Variants in MLLT10 observed in about 807,000 individuals in gnomAD.
The protein encoded by MLLT10 is protein AF-10.
A neutral mutation model predicts 129.1 loss-of-function variants in MLLT10; 30 were observed. That is an observed-to-expected ratio of 0.23 (90% confidence interval 0.17 to 0.32). The LOEUF is 0.32. MLLT10 is among the 10% of genes least tolerant of loss of function. MLLT10 has a pLI of 1.00. For missense variants in MLLT10, 1,119 were observed against 1,268.3 expected, an observed-to-expected ratio of 0.88 and a Z score of 1.79; for synonymous variants, 490 against 446.4, an observed-to-expected ratio of 1.10 and a Z score of -1.23.
intron 9 of MLLT10, among the ~76,000 whole-genome samples, chr10:21,667,341 T>A (rs2131365335): frequency 6.6e-6 from 1 of 151,700 alleles, no homozygotes; most frequent in Admixed American, 6.6e-5. Context: ...TTTCTTGGGG[T>A]TACTTGAGGT....
intron 14 of MLLT10, among the ~76,000 whole-genome samples, chr10:21,716,435 G>C (rs553668835): frequency 6.6e-6 from 1 of 152,182 alleles, no homozygotes; most frequent in African/African-American, 2.4e-5. Flanking sequence ...GCTCATGCCT[G>C]TAATCCCAGC....
intron 8 of MLLT10, among the ~76,000 whole-genome samples, chr10:21,631,855 C>T (rs1168448228): frequency 2.7e-5 from 4 of 150,294 alleles, no homozygotes; most frequent in African/African-American, 4.9e-5. Context: ...CAGAGCCAAA[C>T]GATATCAGAG....
intron 8 of MLLT10, among the ~76,000 whole-genome samples, chr10:21,621,615 A>ACCCCGCCCCCG (rs2045867884): frequency 1.3e-5 from 1 of 75,140 alleles, no homozygotes; most frequent in Non-Finnish European, 2.9e-5. Context: ...CGCCCCCCCC[A>ACCCCGCCCCCG]CCCCGCCCCC....
intron 3 of MLLT10, among the ~76,000 whole-genome samples, chr10:21,584,033 C>T (rs1207516651): frequency 1.3e-5 from 2 of 151,950 alleles, no homozygotes; most frequent in African/African-American, 4.8e-5. Flanking sequence ...CCACGCCCGG[C>T]TAATTTTTTG....
chr10:21,596,004 CA>C lies in MLLT10; in HGVS notation c.405+566del, dbSNP rs138395618. Among the ~76,000 whole-genome samples the C allele has an allele frequency of 3.1e-3, 476 of 152,072 alleles. 4 individuals are homozygous for C. Among genetic ancestry groups the C allele is most frequent in the African/African-American group, 0.011 (442 of 41,540 alleles). ...GTGCATTTTAGGTTTTACCATTACC[CA>C]ATGTGCCTTTAAATATAGTTTTATT... On this transcript the variant is annotated intron_variant, in intron 5 of 22. Transcript: ENST00000307729.
intron 9 of MLLT10, among the ~76,000 whole-genome samples, chr10:21,654,033 T>C (rs912347009): frequency 2.0e-5 from 3 of 152,202 alleles, no homozygotes; most frequent in African/African-American, 7.2e-5. Flanking sequence ...GGATGTGGTA[T>C]GCTGGAAGCC....
At chr10:21,733,308 T>C (rs1292838146) in intron 18 of MLLT10, among the ~76,000 whole-genome samples, 196 bp from the exon 19 acceptor site, 1 of 152,214 alleles carries the variant, frequency 6.6e-6, no homozygotes, top group Admixed American at 6.5e-5. Flanking sequence ...TCTAATGATC[T>C]CGTTATTGAT....
chr10:21,624,365 C>T (rs941593401), intron 8 of MLLT10, among the ~76,000 whole-genome samples: 7 of 151,986 alleles, frequency 4.6e-5, no homozygotes, highest in African/African-American at 1.7e-4. Context: ...AACATAACTC[C>T]CAGAATAAGG....
At chr10:21,602,422 C>T (rs1012645464) in intron 5 of MLLT10, among the ~76,000 whole-genome samples, 6 of 151,998 alleles carry the variant, frequency 3.9e-5, no homozygotes, top group African/African-American at 1.5e-4. Context: ...TCTCAGATAA[C>T]ACACCATGTG....
chr10:21,626,260 A>G (rs766731447), intron 8 of MLLT10: 815 of 1,513,028 alleles, frequency 5.4e-4, no homozygotes, highest in Non-Finnish European at 7.2e-4. Context: ...TTGCTCTTTC[A>G]TCAAGATCGA....
At chr10:21,729,563 G>C (rs1388477817) in intron 16 of MLLT10, among the ~76,000 whole-genome samples, 1 of 152,176 alleles carries the variant, frequency 6.6e-6, no homozygotes, top group Non-Finnish European at 1.5e-5. Context: ...ATTTTGCAGA[G>C]ACGCATATTA....
chr10:21,692,646 T>C (rs79149202), intron 13 of MLLT10, among the ~76,000 whole-genome samples: 1 of 145,174 alleles, frequency 6.9e-6, no homozygotes, highest in East Asian at 2.0e-4. Context: ...CACCCAGTAA[T>C]TTTTTTTTTT....
intron 13 of MLLT10, among the ~76,000 whole-genome samples, chr10:21,703,523 GTC>G (rs1308439630): frequency 6.6e-6 from 1 of 152,088 alleles, no homozygotes; most frequent in Non-Finnish European, 1.5e-5. Flanking sequence ...CTATCTGGAT[GTC>G]TGTATCTCTT....
chr10:21,662,167 C>A (rs2050276416), intron 9 of MLLT10, among the ~76,000 whole-genome samples: 1 of 152,140 alleles, frequency 6.6e-6, no homozygotes, highest in Non-Finnish European at 1.5e-5. Flanking sequence ...AATCTTTGAG[C>A]ATGGAGGTGT....
Position 21,675,058 on chromosome 10 carries a change from CTG to C in MLLT10, c.1621+1142_1621+1143del, listed in dbSNP as rs529024513. 1.8e-4 allele frequency among the ~76,000 whole-genome samples: 27 copies of C among 152,232 alleles called. No individual in the cohort carries two copies. The South Asian group carries it at 5.2e-3, about 29-fold the overall frequency. ...CAGATGTGAGAAATAGTAACAATAA[CTG>C]TGATTTGTTATGTGCCAGTTCTGTT... On this transcript the variant is annotated intron_variant, in intron 11 of 22. Coordinates refer to ENST00000307729, the MANE Select transcript of MLLT10 (RefSeq NM_001195626.3).
At chr10:21,723,896 T>C (rs991893530) in intron 14 of MLLT10, among the ~76,000 whole-genome samples, 1 of 152,220 alleles carries the variant, frequency 6.6e-6, no homozygotes, top group African/African-American at 2.4e-5. Flanking sequence ...GTAATATCTG[T>C]TTTTTCTGTT....
intron 19 of MLLT10, 38 bp from the exon 20 acceptor site, chr10:21,733,730 T>C (rs543731931): frequency 1.3e-6 from 2 of 1,564,314 alleles, no homozygotes; most frequent in Admixed American, 1.9e-5. Context: ...TGGGACTTAA[T>C]GTCCAGTGGA....
chr10:21,659,415 T>TA (rs2049941231), intron 9 of MLLT10, among the ~76,000 whole-genome samples: 1 of 151,756 alleles, frequency 6.6e-6, no homozygotes, highest in African/African-American at 2.4e-5. Context: ...AGGCAAAACG[T>TA]AAAAACCAAA....
intron 13 of MLLT10, among the ~76,000 whole-genome samples, chr10:21,696,678 C>G (rs2054393412): frequency 6.6e-6 from 1 of 152,078 alleles, no homozygotes; most frequent in African/African-American, 2.4e-5. Flanking sequence ...TTGACAATTT[C>G]TTTTTAGTTT....
Sources: gnomAD v4.1 joint callset for allele counts (sites outside exome capture counted in the v4.1 genomes callset) on GRCh38, gnomAD v4.1.1 for gene constraint, MANE v1.5 for transcripts, NCBI Gene and HGNC (gene_info 2026-07-23, HGNC 2026-07-21) for gene names.